Variants in SNTG1 observed in about 807,000 individuals in gnomAD.
The protein encoded by SNTG1 is gamma-1-syntrophin.
In SNTG1, 39 loss-of-function variants were observed where a neutral mutation model predicts 74.7. That is an observed-to-expected ratio of 0.52 (90% CI 0.40 to 0.68). SNTG1 has a LOEUF of 0.68. Ranked by LOEUF, SNTG1 falls within the 30% of genes least tolerant of loss-of-function variation. SNTG1 has a pLI of 0.00. For missense variants in SNTG1, 685 were observed against 609.5 expected (o/e 1.12, Z -1.30); for synonymous variants, 254 against 217.1 (o/e 1.17, Z -1.49).
At chr8:50,368,053 G>A (rs1194152145) in intron 2 of SNTG1, among the ~76,000 whole-genome samples, 1 of 152,104 alleles carries the variant, frequency 6.6e-6, no homozygotes, top group Admixed American at 6.6e-5. Flanking sequence ...GGATCGGGAG[G>A]AAAAGAGGAG....
intron 13 of SNTG1, among the ~76,000 whole-genome samples, chr8:50,630,743 A>G (rs1260923067): frequency 6.6e-6 from 1 of 152,210 alleles, no homozygotes; most frequent in Non-Finnish European, 1.5e-5. Flanking sequence ...CCAAGAAGAC[A>G]GATGAAGAAC....
intron 11 of SNTG1, among the ~76,000 whole-genome samples, chr8:50,550,488 T>C (rs2094418586): frequency 6.6e-6 from 1 of 152,196 alleles, no homozygotes. Context: ...TAGTGAGCAG[T>C]ATATTTTTCA....
intron 2 of SNTG1, among the ~76,000 whole-genome samples, chr8:50,366,508 T>C (rs1461151826): frequency 6.6e-6 from 1 of 151,886 alleles, no homozygotes; most frequent in Admixed American, 6.6e-5. Flanking sequence ...TTCATAATCC[T>C]GAGTTTTTCC....
chr8:50,197,086 C>G (rs2083799758), intron 2 of SNTG1, among the ~76,000 whole-genome samples: 2 of 152,142 alleles, frequency 1.3e-5, no homozygotes, highest in African/African-American at 4.8e-5. Flanking sequence ...GGTTTATTTT[C>G]TTGAAAAGTA....
chr8:50,464,114 G>C (rs2093589631), intron 8 of SNTG1, among the ~76,000 whole-genome samples: 1 of 152,244 alleles, frequency 6.6e-6, no homozygotes, highest in African/African-American at 2.4e-5. Flanking sequence ...CCTTGCTCTG[G>C]ATTAGGCTTT....
intron 2 of SNTG1, among the ~76,000 whole-genome samples, chr8:50,361,563 G>C (rs910178274): frequency 6.6e-6 from 1 of 152,186 alleles, no homozygotes; most frequent in African/African-American, 2.4e-5. Context: ...GGGACTCAAA[G>C]TCGCTGGGAT....
rs142621300 is a variant in SNTG1, at chr8:50,613,774, T to C, written c.849+22857T>C. Among the ~76,000 whole-genome samples, 28 of 152,200 alleles carry C rather than the reference T, an allele frequency of 1.8e-4. No individual in the cohort carries two copies. In the East Asian group the frequency reaches 4.2e-3, roughly 23 times the overall value. Reference sequence around the variant, plus strand: ...AGAAGTTTTTTAACAAAATATTACATGTAATAGAAAAATGAAGACAACATA... The same window carrying C: ...AGAAGTTTTTTAACAAAATATTACACGTAATAGAAAAATGAAGACAACATA... On this transcript the variant is annotated intron_variant, in intron 13 of 18. Transcript: ENST00000642720.
At chr8:50,568,227 T>TTGTATGTGTGTGTGTG (rs140888701) in intron 12 of SNTG1, among the ~76,000 whole-genome samples, 1 of 146,282 alleles carries the variant, frequency 6.8e-6, no homozygotes, top group Non-Finnish European at 1.5e-5. Flanking sequence ...TTGTCCATGT[T>TTGTATGTGTGTGTGTG]TGTGTGTGTG....
intron 2 of SNTG1, among the ~76,000 whole-genome samples, chr8:50,335,740 A>C (rs1190794946): frequency 6.6e-6 from 1 of 152,110 alleles, no homozygotes; most frequent in African/African-American, 2.4e-5. Flanking sequence ...ACACCACCGC[A>C]TGGCAAGGCC....
At chr8:50,234,641 A>G (rs1043428315) in intron 2 of SNTG1, among the ~76,000 whole-genome samples, 1 of 152,064 alleles carries the variant, frequency 6.6e-6, no homozygotes, top group Non-Finnish European at 1.5e-5. Context: ...ACTCCCTGTG[A>G]ATGTATAAAA....
intron 2 of SNTG1, among the ~76,000 whole-genome samples, chr8:50,219,533 T>C (rs905018954): frequency 1.1e-4 from 17 of 152,106 alleles, no homozygotes; most frequent in Non-Finnish European, 4.4e-5. Flanking sequence ...ACAGGAAGCA[T>C]GGCTGGGGAG....
intron 1 of SNTG1, among the ~76,000 whole-genome samples, chr8:50,167,254 C>A (rs2082650460): frequency 7.5e-6 from 1 of 133,536 alleles, no homozygotes; most frequent in African/African-American, 2.9e-5. Flanking sequence ...CACATGTACC[C>A]TAAAACTTAA....
chr8:49,932,159 G>A (rs1807651943), intron 1 of SNTG1, among the ~76,000 whole-genome samples: 1 of 152,094 alleles, frequency 6.6e-6, no homozygotes, highest in African/African-American at 2.4e-5. Context: ...ACTAAAACAG[G>A]TCAGTTTTAC....
intron 1 of SNTG1, among the ~76,000 whole-genome samples, chr8:50,014,734 A>G (rs554066443): frequency 7.9e-5 from 12 of 152,246 alleles, no homozygotes; most frequent in Non-Finnish European, 1.3e-4. Flanking sequence ...CTAAATTATA[A>G]TGTTTAAGGT....
At chr8:50,115,795 G>A (rs1335325754) in intron 1 of SNTG1, among the ~76,000 whole-genome samples, 1 of 151,946 alleles carries the variant, frequency 6.6e-6, no homozygotes, top group Non-Finnish European at 1.5e-5. Flanking sequence ...AAGGTATGAC[G>A]TTTAGCTTAA....
intron 2 of SNTG1, among the ~76,000 whole-genome samples, chr8:50,212,711 T>G (rs755182763): frequency 6.6e-6 from 1 of 152,190 alleles, no homozygotes; most frequent in Admixed American, 6.5e-5. Flanking sequence ...TGTCTATATA[T>G]ACTCTGTGGC....
intron 4 of SNTG1, among the ~76,000 whole-genome samples, chr8:50,410,224 T>A (rs1317951734): frequency 6.6e-6 from 1 of 152,176 alleles, no homozygotes; most frequent in African/African-American, 2.4e-5. Context: ...CTATTATGGA[T>A]AGATTCTTAA....
At chr8:50,669,211 G>T (rs924650364) in intron 15 of SNTG1, among the ~76,000 whole-genome samples, 3 of 141,944 alleles carry the variant, frequency 2.1e-5, no homozygotes, top group African/African-American at 7.7e-5. Flanking sequence ...AGGAAATAGA[G>T]ATTTAAAAAA....
At chr8:50,790,674 A>T (rs1398412914) in intron 18 of SNTG1, among the ~76,000 whole-genome samples, 1 of 151,888 alleles carries the variant, frequency 6.6e-6, no homozygotes, top group Non-Finnish European at 1.5e-5. Flanking sequence ...ACTTGGATCC[A>T]TCTTGGTCTC....
Sources: gnomAD v4.1 joint callset for allele counts (sites outside exome capture counted in the v4.1 genomes callset) on GRCh38, gnomAD v4.1.1 for gene constraint, MANE v1.5 for transcripts, NCBI Gene and HGNC (gene_info 2026-07-23, HGNC 2026-07-21) for gene names.